The following EFCAB11 variants were observed in gnomAD, a reference collection of about 807,000 sequenced individuals.
EFCAB11 encodes the protein EF-hand calcium binding domain 11, also known as EF-hand calcium-binding domain-containing protein 11.
A neutral mutation model predicts 23.0 loss-of-function variants in EFCAB11; 14 were observed. The observed-to-expected ratio is 0.61, with a 90% CI of 0.40 to 0.95. The LOEUF (loss-of-function observed/expected upper bound fraction) is 0.95, where lower values mean the gene tolerates loss of function less well. Ranked by LOEUF, EFCAB11 falls within the 40% of genes least tolerant of loss-of-function variation. The probability of loss-of-function intolerance (pLI) is 0.00; values close to 1 mark genes in which losing one functional copy is unlikely to be tolerated. For synonymous variants in EFCAB11, 65 were observed against 66.6 expected (o/e 0.98, Z 0.11); for missense variants, 198 against 195.8 (o/e 1.01, Z -0.07).
At chr14:89,837,609 A>G (rs1226539227) in intron 5 of EFCAB11, among the ~76,000 whole-genome samples, 1 of 152,146 alleles carries the variant, frequency 6.6e-6, no homozygotes, top group African/African-American at 2.4e-5. Context: ...TCTGAATAAC[A>G]TTGTTTTCTG....
At chr14:89,941,482 G>A (rs775695105) in intron 3 of EFCAB11, among the ~76,000 whole-genome samples, 4 of 152,084 alleles carry the variant, frequency 2.6e-5, no homozygotes, top group Admixed American at 6.5e-5. Flanking sequence ...GTCGGATCAC[G>A]TTGGTCTGGT....
chr14:89,905,753 C>T (rs1489492426), intron 5 of EFCAB11, among the ~76,000 whole-genome samples: 2 of 152,102 alleles, frequency 1.3e-5, no homozygotes, highest in African/African-American at 2.4e-5. Context: ...TGGAGTTTGG[C>T]CTTTAGCCTG....
At chr14:89,939,143 C>A (rs954401029) in intron 3 of EFCAB11, among the ~76,000 whole-genome samples, 1 of 152,058 alleles carries the variant, frequency 6.6e-6, no homozygotes, top group Admixed American at 6.6e-5. Flanking sequence ...ATACCTTATT[C>A]TGGACTTTAA....
chr14:89,816,942 C>T (rs991622101), intron 5 of EFCAB11, among the ~76,000 whole-genome samples: 1 of 151,690 alleles, frequency 6.6e-6, no homozygotes, highest in Non-Finnish European at 1.5e-5. Flanking sequence ...TCTCTTATAA[C>T]AAGGAAAAAA....
intron 5 of EFCAB11, chr14:89,836,309 T>C (rs11850845): frequency 0.071 from 20,080 of 281,496 alleles, 838 homozygotes; most frequent in South Asian, 0.12. Context: ...AAGGACTCTA[T>C]TGGACCAGGA....
chr14:89,887,982 T>G (rs955550349), intron 5 of EFCAB11, among the ~76,000 whole-genome samples: 1 of 152,222 alleles, frequency 6.6e-6, no homozygotes, highest in Non-Finnish European at 1.5e-5. Flanking sequence ...AGTTATCAGC[T>G]ATATCCCAGA....
chr14:89,948,194 T>A (rs1891044277), intron 3 of EFCAB11, among the ~76,000 whole-genome samples: 1 of 152,136 alleles, frequency 6.6e-6, no homozygotes, highest in Admixed American at 6.5e-5. Flanking sequence ...TAAAAGAACC[T>A]CAAAAGAACA....
upstream of EFCAB11, chr14:89,954,731 A>G: frequency 1.3e-6 from 2 of 1,553,312 alleles, no homozygotes; most frequent in South Asian, 1.2e-5. Flanking sequence ...CTGGCAGCCT[A>G]CCGCGGCCAC....
chr14:89,801,929 G>A (rs190499109), intron 5 of EFCAB11, among the ~76,000 whole-genome samples: 4 of 152,144 alleles, frequency 2.6e-5, no homozygotes, highest in Non-Finnish European at 5.9e-5. Context: ...AGGAGCTGGA[G>A]GTTGCAGTGA....
chr14:89,858,461 G>T (rs1331642058), intron 5 of EFCAB11, among the ~76,000 whole-genome samples: 1 of 152,118 alleles, frequency 6.6e-6, no homozygotes, highest in African/African-American at 2.4e-5. Context: ...TAAAATGCAG[G>T]TCAACAGGCT....
At chr14:89,892,144 G>A (rs1448399676) in intron 5 of EFCAB11, 8 of 1,559,848 alleles carry the variant, frequency 5.1e-6, no homozygotes, top group East Asian at 2.4e-5. Flanking sequence ...CTCAGGGCCC[G>A]GACAAGGTCA....
At chr14:89,862,410 A>G (rs2140152122) in intron 5 of EFCAB11, among the ~76,000 whole-genome samples, 1 of 152,252 alleles carries the variant, frequency 6.6e-6, no homozygotes, top group Non-Finnish European at 1.5e-5. Flanking sequence ...ATCACTCTGA[A>G]TATAGAGGGG....
At chr14:89,923,532 C>G (rs1890086899) in intron 5 of EFCAB11, 1 of 312,342 alleles carries the variant, frequency 3.2e-6, no homozygotes. Flanking sequence ...GTTGGGACCT[C>G]AAGAAGTCTA....
chr14:89,935,397 G>GTTT (rs60594341), intron 3 of EFCAB11, among the ~76,000 whole-genome samples: 11 of 135,770 alleles, frequency 8.1e-5, no homozygotes, highest in Non-Finnish European at 1.6e-4. Context: ...ATGCATGTGG[G>GTTT]TTTTTTTTTT....
At chr14:89,941,559 T>C (rs1890793462) in intron 3 of EFCAB11, among the ~76,000 whole-genome samples, 1 of 150,944 alleles carries the variant, frequency 6.6e-6, no homozygotes, top group Admixed American at 6.6e-5. Flanking sequence ...GATTTATTTA[T>C]TTTTTATTTT....
chr14:89,954,124 A>G, intron 1 of EFCAB11, 123 bp from the exon 2 acceptor site: 2 of 919,908 alleles, frequency 2.2e-6, no homozygotes, highest in South Asian at 3.4e-5. Flanking sequence ...ATGAAAATAG[A>G]ATTTCATTAT....
intron 3 of EFCAB11, among the ~76,000 whole-genome samples, chr14:89,933,072 G>A (rs1890452959): frequency 6.6e-6 from 1 of 152,130 alleles, no homozygotes; most frequent in Admixed American, 6.5e-5. Flanking sequence ...TCGGGTCAGA[G>A]AAGTAGTTTC....
chr14:89,825,248 G>T (rs948667834), intron 5 of EFCAB11, among the ~76,000 whole-genome samples: 6 of 151,908 alleles, frequency 3.9e-5, no homozygotes, highest in African/African-American at 1.5e-4. Context: ...TAACCCATGG[G>T]TCAAAAAAGA....
chr14:89,820,014 T>A (rs1261708621), intron 5 of EFCAB11, among the ~76,000 whole-genome samples: 1 of 152,172 alleles, frequency 6.6e-6, no homozygotes, highest in Non-Finnish European at 1.5e-5. Flanking sequence ...CCATAAAGCT[T>A]TTCTGTTATT....
Sources: allele counts gnomAD v4.1 joint callset (sites outside exome capture counted in the v4.1 genomes callset), GRCh38; gene constraint gnomAD v4.1.1; transcripts MANE v1.5; gene names NCBI Gene and HGNC (gene_info 2026-07-23, HGNC 2026-07-21).